Variants in TRIM68 observed in about 807,000 individuals in gnomAD.
The protein encoded by TRIM68 is E3 ubiquitin-protein ligase TRIM68.
Under a neutral mutation model 41.9 loss-of-function variants are expected in TRIM68, and 36 were observed. The ratio of observed to expected loss-of-function variants is 0.86; its 90% confidence interval spans 0.66 to 1.14. The LOEUF is 1.14. TRIM68 is among the 50% of genes most tolerant of loss of function. The pLI is 0.00. For missense variants in TRIM68, 632 were observed against 605.1 expected (o/e 1.04, Z -0.47); for synonymous variants, 225 against 224.6 (o/e 1.00, Z -0.02).
chr11:4,603,140 C>G, intron 3 of TRIM68, 105 bp downstream of exon 3: 1 of 1,100,486 alleles, frequency 9.1e-7, no homozygotes, highest in Non-Finnish European at 1.4e-6. Context: ...TCTGTGATTT[C>G]AAGCCTCACA....
Position 4,602,295 on chromosome 11 carries a change from C to A in TRIM68, c.640G>T (p.Ala214Ser), listed in dbSNP as rs1846503959. 3 of 1,614,048 alleles carry A rather than the reference C, an allele frequency of 1.9e-6. No individual in the cohort carries two copies. In the African/African-American group the frequency reaches 4.0e-5, roughly 22 times the overall value. Residue 214 changes from alanine to serine, a missense_variant, in exon 4 of 7, where the codon GCC (alanine) becomes TCC (serine). Physicochemically the swap from Ala to Ser is moderately conservative, Grantham distance 99. Transcript: ENST00000300747. Reference protein sequence around the residue: ...QLGAEVAAALASLQREAAETM... With the variant: ...QLGAEVAAALSSLQREAAETM... ...TCCGCTGCCTCCCGCTGTAGGCTGG[C>A]CAGAGCTGCTGCTACCTCTGCCCCC...
rs753026108 is a variant in TRIM68, at chr11:4,608,160, G to A, written c.-191C>T. 2 of 152,526 alleles carry A rather than the reference G, an allele frequency of 1.3e-5. No homozygotes were observed. The highest frequency in any genetic ancestry group is 3.8e-4 in the East Asian group (2 of 5,202). 9.4% of individuals were successfully genotyped at this position (152,526 alleles called of 1,614,324 possible). A position where few individuals can be genotyped will look rare whatever the true frequency, so the allele number is the denominator to read the frequency against. ...CAGCACTTAGGGCCAGAGAGCGGCA[G>A]AGGCCCAGAACCCAAAGCCCGGCAG... On this transcript the variant is annotated 5_prime_UTR_variant, in exon 1 of 7. Transcript: ENST00000300747.
chr11:4,606,913 C>T (rs1393661597), intron 1 of TRIM68, among the ~76,000 whole-genome samples: 1 of 152,198 alleles, frequency 6.6e-6, no homozygotes, highest in Non-Finnish European at 1.5e-5. Context: ...GCAGGGCATG[C>T]CTTCTCACTA....
Position 4,600,089 on chromosome 11 carries a change from G to A in TRIM68, c.*187C>T, listed in dbSNP as rs1846457109. The A allele has an allele frequency of 3.4e-6, 2 of 584,152 alleles. No homozygotes were observed. Among genetic ancestry groups the A allele is most frequent in the Non-Finnish European group, 5.8e-6 (2 of 346,712 alleles). The allele number at this position is 584,152 out of a possible 1,614,324, so 36.2% of individuals were successfully genotyped here. On this transcript the variant is annotated 3_prime_UTR_variant, in exon 7 of 7. Coordinates refer to ENST00000300747, the MANE Select transcript of TRIM68 (RefSeq NM_018073.8). ...GCAATGCTCATTTGACTGGGCCTCT[G>A]CTTTTTAAAATAAGTGGTTTCATGA...
chr11:4,600,813 C>G lies in TRIM68; in HGVS notation c.921G>C (p.Leu307Phe). ...GACGGGAGTAAGCAGTATCTGGATC[C>G]AAGCGCACATCAGCTAGAAGAAAAG... Reference protein sequence around the residue: ...ILKTYAADVRLDPDTAYSRLI... With the variant: ...ILKTYAADVRFDPDTAYSRLI... Residue 307 changes from leucine (L) to phenylalanine (F), a missense_variant, in exon 7 of 7, where the codon TTG becomes TTC. Leu to Phe is a conservative substitution (Grantham distance 22). Transcript: ENST00000300747. The G allele has an allele frequency of 1.9e-6, 3 of 1,612,640 alleles. No homozygotes were observed. Among genetic ancestry groups the G allele is most frequent in the Non-Finnish European group, 2.5e-6 (3 of 1,178,886 alleles).
chr11:4,607,912 G>A (rs1177405356), intron 1 of TRIM68, 115 bp downstream of exon 1: 1 of 152,372 alleles, frequency 6.6e-6, no homozygotes, highest in Non-Finnish European at 1.5e-5. Flanking sequence ...CGGAGTCAGG[G>A]AGCAGCTCCT....
chr11:4,603,260 T>TC lies in TRIM68; in HGVS notation c.506dup (p.Thr170AsnfsTer20), dbSNP rs1019566467. ...GGCAACCTGCCTTCCAGGTGGCAGT[T>TC]CGTTTCCTTTCACCAACTTCAAGCT... On this transcript the variant is annotated frameshift_variant, in exon 3 of 7. Coordinates refer to ENST00000300747, the MANE Select transcript of TRIM68 (RefSeq NM_018073.8). LOFTEE classifies it high-confidence loss of function. 1.2e-6 allele frequency: 2 copies of TC among 1,614,116 alleles called. No individual in the cohort carries two copies. The highest frequency in any genetic ancestry group is 1.7e-6 in the Non-Finnish European group (2 of 1,180,050).
intron 2 of TRIM68, among the ~76,000 whole-genome samples, 172 bp downstream of exon 2, chr11:4,604,907 T>A (rs560652377): frequency 2.0e-4 from 31 of 152,284 alleles, no homozygotes; most frequent in African/African-American, 6.7e-4. Context: ...TCAAGGAAGG[T>A]CATGAATACA....
intron 3 of TRIM68, 61 bp from the exon 4 acceptor site, chr11:4,602,473 G>C (rs556602201): frequency 1.3e-6 from 2 of 1,590,168 alleles, no homozygotes; most frequent in African/African-American, 1.3e-5. Flanking sequence ...CGAGCATACT[G>C]ACATATGCAT....
At chr11:4,602,891 C>A (rs1370632905) in intron 3 of TRIM68, among the ~76,000 whole-genome samples, 1 of 152,198 alleles carries the variant, frequency 6.6e-6, no homozygotes, top group African/African-American at 2.4e-5. Context: ...ATTTTAATAA[C>A]CAGACTCTTA....
chr11:4,603,598 G>C (rs1474707655), intron 2 of TRIM68, among the ~76,000 whole-genome samples: 4 of 152,166 alleles, frequency 2.6e-5, no homozygotes, highest in Non-Finnish European at 5.9e-5. Context: ...CTCCACAAAA[G>C]TACCTTGGAC....
At chr11:4,605,738 T>G (rs1294160931) in intron 1 of TRIM68, among the ~76,000 whole-genome samples, 177 bp from the exon 2 acceptor site, 2 of 152,184 alleles carry the variant, frequency 1.3e-5, no homozygotes, top group African/African-American at 4.8e-5. Flanking sequence ...ACGGGCCACA[T>G]TACTCATACC....
chr11:4,602,019 G>T, intron 4 of TRIM68, 133 bp downstream of exon 4: 2 of 1,328,022 alleles, frequency 1.5e-6, no homozygotes, highest in Non-Finnish European at 1.0e-6. Flanking sequence ...GGTATTAGCT[G>T]GGGAAACACA....
In TRIM68 at chr11:4,602,330, T is replaced by A. The variant is rs143954101; in HGVS notation, c.605A>T (p.His202Leu). Residue 202 changes from histidine (H) to leucine (L), a missense_variant, in exon 4 of 7, where the codon CAT (histidine) becomes CTT (leucine). By Grantham distance (99) the His-to-Leu change is moderately conservative (BLOSUM62 -3). Transcript: ENST00000300747. ...TGCTACCTCTGCCCCCAGCTGCCGA[T>A]GTGGTGGCTGCTTTTTCTCTAGTAA... ...QRLLEKKQPP[H>L]RQLGAEVAAA... 9.3e-6 allele frequency: 15 copies of A among 1,614,094 alleles called. No individual in the cohort carries two copies. Among genetic ancestry groups the A allele is most frequent in the Non-Finnish European group, 1.2e-5 (14 of 1,180,048 alleles).
intron 5 of TRIM68, chr11:4,601,459 G>T: frequency 3.3e-6 from 2 of 606,880 alleles, no homozygotes; most frequent in Non-Finnish European, 5.8e-6. Flanking sequence ...AGCTTCACTT[G>T]ATATACATTT....
At position 4,600,635 on chromosome 11, in the gene TRIM68, T is replaced by C. The variant is rs1406347244; in HGVS notation, c.1099A>G (p.Arg367Gly). The stretch of plus-strand genomic sequence containing the variant: ...CATACTCCCAGGCCCCACTCAGACC[T>C]GTCTCCCACCTCCACCTCCCAGTAG... ...RHYWEVEVGD[R>G]SEWGLGVCKQ... Residue 367 changes from arginine to glycine, a missense_variant, in exon 7 of 7, where the codon AGG becomes GGG. Physicochemically the swap from Arg to Gly is moderately radical, Grantham distance 125 (BLOSUM62 -2). Coordinates refer to ENST00000300747, the MANE Select transcript of TRIM68 (RefSeq NM_018073.8). 1.2e-6 allele frequency: 2 copies of C among 1,614,034 alleles called. No individual in the cohort carries two copies. The highest frequency in any genetic ancestry group is 1.7e-6 in the Non-Finnish European group (2 of 1,180,022).
chr11:4,606,521 T>C (rs1231744977), intron 1 of TRIM68, among the ~76,000 whole-genome samples: 2 of 152,238 alleles, frequency 1.3e-5, no homozygotes, highest in Non-Finnish European at 2.9e-5. Flanking sequence ...ATTTGTTGAA[T>C]GAATTAACCA....
Position 4,600,017 on chromosome 11 carries a change from C to T in TRIM68, c.*259G>A. 2.4e-6 allele frequency: 1 copy of T among 415,872 alleles called. No individual in the cohort carries two copies. Among genetic ancestry groups the T allele is most frequent in the Non-Finnish European group, 4.3e-6 (1 of 232,888 alleles). 25.8% of individuals were successfully genotyped at this position (415,872 alleles called of 1,614,324 possible). A position where few individuals can be genotyped will look rare whatever the true frequency, so the allele number is the denominator to read the frequency against. On this transcript the variant is annotated 3_prime_UTR_variant, in exon 7 of 7. Transcript: ENST00000300747. ...CTTACCCCAACGAGTCACCTTAGAA[C>T]TGCTCTGATCCTCACCATCAGCCCT...
In TRIM68 at chr11:4,600,663, C is replaced by T. The variant is rs1846472573; in HGVS notation, c.1071G>A (p.Arg357=). 2 of 1,614,064 alleles carry T rather than the reference C, an allele frequency of 1.2e-6. No homozygotes were observed. Among genetic ancestry groups the T allele is most frequent in the African/African-American group, 2.7e-5 (2 of 74,924 alleles). The part of the protein sequence containing the change: ...VLGSQCISSG[R]HYWEVEVGDR... ...CTCCCACCTCCACCTCCCAGTAGTG[C>T]CGGCCTGAGGAGATGCACTGGCTTC... is the stretch of plus-strand genomic sequence containing the variant. The change falls in exon 7 of 7, where the codon CGG becomes CGA. Residue 357 remains arginine (R), a synonymous_variant. Transcript: ENST00000300747.
Sources: gnomAD v4.1 joint callset for allele counts (sites outside exome capture counted in the v4.1 genomes callset) on GRCh38, gnomAD v4.1.1 for gene constraint, MANE v1.5 for transcripts, NCBI Gene and HGNC (gene_info 2026-07-23, HGNC 2026-07-21) for gene names.